Variants in MTA3 observed in about 807,000 individuals in gnomAD.
MTA3 encodes the protein metastasis-associated protein MTA3.
Under a neutral mutation model 83.5 loss-of-function variants are expected in MTA3, and 34 were observed. The ratio of observed to expected loss-of-function variants is 0.41; its 90% CI spans 0.31 to 0.54. The LOEUF is 0.54. Ranked by LOEUF, MTA3 falls within the 20% of genes least tolerant of loss-of-function variation. The probability of loss-of-function intolerance (pLI) is 0.33; values close to 1 mark genes in which losing one functional copy is unlikely to be tolerated. For synonymous variants in MTA3, 303 were observed against 252.7 expected (o/e 1.20, Z -1.89); for missense variants, 761 against 726.4 (o/e 1.05, Z -0.55).
chr2:42,543,323 G>A (rs1192555846), intron 2 of MTA3, among the ~76,000 whole-genome samples: 1 of 151,816 alleles, frequency 6.6e-6, no homozygotes, highest in Non-Finnish European at 1.5e-5. Flanking sequence ...GATTACAGGT[G>A]CACACCACCA....
At chr2:42,526,500 A>C (rs1354209269) in intron 2 of MTA3, among the ~76,000 whole-genome samples, 1 of 152,178 alleles carries the variant, frequency 6.6e-6, no homozygotes, top group East Asian at 1.9e-4. Flanking sequence ...GTGTGAACCC[A>C]GATACATCAC....
intron 9 of MTA3, among the ~76,000 whole-genome samples, chr2:42,683,895 C>T (rs957317933): frequency 6.6e-6 from 1 of 152,044 alleles, no homozygotes; most frequent in Admixed American, 6.5e-5. Flanking sequence ...GGTTGGGGAC[C>T]CCTGAGTATC....
chr2:42,510,311 G>GAA (rs1260439717), intron 2 of MTA3, among the ~76,000 whole-genome samples: 7 of 87,328 alleles, frequency 8.0e-5, no homozygotes, highest in Non-Finnish European at 1.2e-4. Context: ...GGGCGACTCA[G>GAA]AAAAAAAAAA....
intron 3 of MTA3, among the ~76,000 whole-genome samples, chr2:42,584,999 T>G (rs915997894): frequency 2.0e-5 from 3 of 151,536 alleles, no homozygotes; most frequent in Non-Finnish European, 2.9e-5. Flanking sequence ...TGGCACAATC[T>G]CGGCTCACTG....
At chr2:42,672,829 TTTTTACGTATAA>T (rs1690946219) in intron 8 of MTA3, among the ~76,000 whole-genome samples, 1 of 142,142 alleles carries the variant, frequency 7.0e-6, no homozygotes, top group African/African-American at 2.7e-5. Flanking sequence ...ATGGCAAACT[TTTTTACGTATAA>T]AAAGCTTTTT....
intron 5 of MTA3, among the ~76,000 whole-genome samples, chr2:42,641,408 G>T (rs1687681759): frequency 1.3e-5 from 2 of 152,016 alleles, no homozygotes; most frequent in Admixed American, 1.3e-4. Context: ...ACTTACCTTT[G>T]TAAAATTTAG....
intron 3 of MTA3, among the ~76,000 whole-genome samples, chr2:42,594,728 A>ATTTTTTTTTTTTT (rs1211133796): frequency 1.2e-4 from 3 of 24,042 alleles, no homozygotes; most frequent in African/African-American, 6.7e-4. Context: ...ATATATATAT[A>ATTTTTTTTTTTTT]TTTTTTTTTT....
chr2:42,616,401 G>A (rs1684891167), intron 4 of MTA3, among the ~76,000 whole-genome samples: 2 of 143,300 alleles, frequency 1.4e-5, no homozygotes, highest in Admixed American at 1.4e-4. Flanking sequence ...TAGATTATAA[G>A]ATTCTTGAAG....
intron 16 of MTA3, among the ~76,000 whole-genome samples, chr2:42,734,470 C>CTTTTT (rs3040123): frequency 6.1e-5 from 5 of 82,466 alleles, no homozygotes; most frequent in Non-Finnish European, 8.9e-5. Context: ...ATCACGGGGC[C>CTTTTT]TTTTTTTTTT....
At chr2:42,524,450 G>A (rs1021215778) in intron 2 of MTA3, among the ~76,000 whole-genome samples, 57 of 144,940 alleles carry the variant, frequency 3.9e-4, no homozygotes, top group Non-Finnish European at 2.2e-4. Context: ...ACAATTGCCC[G>A]CCACCACGCC....
intron 2 of MTA3, among the ~76,000 whole-genome samples, chr2:42,552,623 C>CAAA (rs536783114): frequency 3.4e-5 from 3 of 88,388 alleles, no homozygotes; most frequent in African/African-American, 1.2e-4. Context: ...ACTCCTTGTC[C>CAAA]AAAAAAAAAA....
rs1326289058 is a variant in MTA3, at chr2:42,754,179, C to T, written c.*780C>T. On this transcript the variant is annotated 3_prime_UTR_variant, in exon 17 of 17. Transcript: ENST00000405094. Reference sequence around the variant, plus strand: ...TTAAAAGTGCCAAGCGTGTGTATCACTGTGACAAGCCGTTTGCTTACTGCC... The same window carrying T: ...TTAAAAGTGCCAAGCGTGTGTATCATTGTGACAAGCCGTTTGCTTACTGCC... The T allele has an allele frequency of 2.0e-6, 2 of 985,368 alleles. No homozygotes were observed. Among genetic ancestry groups the T allele is most frequent in the East Asian group, 2.3e-4 (2 of 8,832 alleles). 61.0% of individuals were successfully genotyped at this position (985,368 alleles called of 1,614,324 possible).
chr2:42,594,890 CTAAT>C (rs557496281), intron 3 of MTA3, among the ~76,000 whole-genome samples: 1,085 of 68,584 alleles, frequency 0.016, 16 homozygotes, highest in African/African-American at 0.065. Flanking sequence ...CTACGCCTGG[CTAAT>C]TATTTATTTA....
At chr2:42,678,901 GA>G in intron 8 of MTA3, among the ~76,000 whole-genome samples, 1 of 152,038 alleles carries the variant, frequency 6.6e-6, no homozygotes, top group African/African-American at 2.4e-5. Flanking sequence ...GATAGTGAGG[GA>G]TCACTTAAAA....
At chr2:42,672,846 CTTTTT>C (rs70963344) in intron 8 of MTA3, among the ~76,000 whole-genome samples, 12 of 114,316 alleles carry the variant, frequency 1.0e-4, no homozygotes, top group Non-Finnish European at 1.2e-4. Context: ...GTATAAAAAG[CTTTTT>C]TTTTTTTTTT....
chr2:42,555,720 A>G (rs888060953), intron 2 of MTA3, among the ~76,000 whole-genome samples: 1 of 151,906 alleles, frequency 6.6e-6, no homozygotes, highest in Non-Finnish European at 1.5e-5. Flanking sequence ...GTGAGCCAAC[A>G]GGGTGCTACT....
At chr2:42,509,971 G>C (rs1170495366) in intron 2 of MTA3, among the ~76,000 whole-genome samples, 2 of 152,060 alleles carry the variant, frequency 1.3e-5, no homozygotes, top group Non-Finnish European at 2.9e-5. Context: ...CATTCTGGTA[G>C]AGAAGGTCTT....
intron 8 of MTA3, among the ~76,000 whole-genome samples, chr2:42,672,211 A>G (rs1300771832): frequency 6.6e-6 from 1 of 152,138 alleles, no homozygotes; most frequent in Non-Finnish European, 1.5e-5. Context: ...TAATAATAAA[A>G]AAGAGCCAGG....
intron 5 of MTA3, among the ~76,000 whole-genome samples, chr2:42,642,202 A>G (rs138745084): frequency 1.6e-4 from 25 of 152,292 alleles, no homozygotes; most frequent in African/African-American, 5.5e-4. Context: ...ATATTTTCCC[A>G]TATCAGGACA....
Sources: allele counts gnomAD v4.1 joint callset (sites outside exome capture counted in the v4.1 genomes callset), GRCh38; gene constraint gnomAD v4.1.1; transcripts MANE v1.5; gene names NCBI Gene and HGNC (gene_info 2026-07-23, HGNC 2026-07-21).